Variants in TAFA4 observed in about 807,000 individuals in gnomAD.
TAFA4 encodes TAFA chemokine like family member 4.
A neutral mutation model predicts 21.1 loss-of-function variants in TAFA4; 20 were observed. The ratio of observed to expected loss-of-function variants is 0.95; its 90% CI spans 0.67 to 1.38. The LOEUF (loss-of-function observed/expected upper bound fraction) is 1.38. TAFA4 is among the 40% of genes most tolerant of loss of function. The pLI, the probability that TAFA4 is intolerant of heterozygous loss-of-function variation, is 0.00. For synonymous variants in TAFA4, 71 were observed against 67.4 expected (o/e 1.05, Z -0.26); for missense variants, 211 against 180.9 (o/e 1.17, Z -0.95).
intron 4 of TAFA4, among the ~76,000 whole-genome samples, chr3:68,741,533 G>A (rs1702352232): frequency 6.6e-6 from 1 of 152,106 alleles, no homozygotes; most frequent in Non-Finnish European, 1.5e-5. Flanking sequence ...CGTGACTCAT[G>A]CCTGTAATCC....
intron 1 of TAFA4, among the ~76,000 whole-genome samples, chr3:68,902,202 C>T (rs997606554): frequency 2.0e-5 from 3 of 152,136 alleles, no homozygotes; most frequent in African/African-American, 7.2e-5. Context: ...AGGTCAGCTA[C>T]CAAGTGGCAA....
chr3:68,885,702 G>A lies in TAFA4; in HGVS notation c.-122-392C>T, dbSNP rs143031967. The stretch of plus-strand genomic sequence containing the variant: ...GACATGCAATTTGCCCAAGCCCATG[G>A]AGCAGTGGAAAAGCCAGCACGAAGA... On this transcript the variant is annotated intron_variant, in intron 1 of 5. Transcript: ENST00000295569. 6.7e-3 allele frequency among the ~76,000 whole-genome samples: 1,026 copies of A among 152,252 alleles called. 4 individuals carry two copies. The highest frequency in any genetic ancestry group is 0.011 in the Admixed American group (164 of 15,294).
chr3:68,756,786 G>T (rs1452505023), intron 3 of TAFA4, among the ~76,000 whole-genome samples: 1 of 152,164 alleles, frequency 6.6e-6, no homozygotes, highest in Non-Finnish European at 1.5e-5. Flanking sequence ...CTAATTAAAT[G>T]TTCATAACAA....
At chr3:68,832,545 T>G (rs1704424515) in intron 3 of TAFA4, among the ~76,000 whole-genome samples, 1 of 152,188 alleles carries the variant, frequency 6.6e-6, no homozygotes, top group Non-Finnish European at 1.5e-5. Flanking sequence ...TACCTGATCC[T>G]TCCTCTGGAA....
intron 3 of TAFA4, among the ~76,000 whole-genome samples, chr3:68,868,942 T>C (rs573072844): frequency 1.3e-5 from 2 of 151,772 alleles, no homozygotes; most frequent in Non-Finnish European, 2.9e-5. Flanking sequence ...AAAGTTGTTT[T>C]TTTGCAGAGA....
chr3:68,770,749 T>G (rs879914866), intron 3 of TAFA4, among the ~76,000 whole-genome samples: 1 of 152,194 alleles, frequency 6.6e-6, no homozygotes, highest in African/African-American at 2.4e-5. Flanking sequence ...AACCCATCTC[T>G]TACTGATACA....
In TAFA4 at chr3:68,922,024, G is replaced by T. The variant is rs138084467; in HGVS notation, c.-123+10216C>A. 7.9e-5 allele frequency among the ~76,000 whole-genome samples: 12 copies of T among 152,194 alleles called. No homozygotes were observed. The East Asian group carries it at 2.1e-3, about 27-fold the overall frequency. ...AACGAACATTTAATTTGTACTTTTG[G>T]TTCAGTAATTTAAATCAACCTTCTG... On this transcript the variant is annotated intron_variant, in intron 1 of 5. Coordinates refer to ENST00000295569, the MANE Select transcript of TAFA4 (RefSeq NM_182522.5).
intron 3 of TAFA4, among the ~76,000 whole-genome samples, chr3:68,801,062 A>G (rs1703568857): frequency 1.3e-5 from 2 of 152,170 alleles, no homozygotes; most frequent in South Asian, 4.1e-4. Flanking sequence ...ATTAACTTGC[A>G]TGACTCCCTC....
chr3:68,808,805 T>C (rs1703764337), intron 3 of TAFA4, among the ~76,000 whole-genome samples: 1 of 152,122 alleles, frequency 6.6e-6, no homozygotes, highest in Non-Finnish European at 1.5e-5. Flanking sequence ...ACAACAAGGG[T>C]TTACTTCTGA....
chr3:68,881,130 T>G (rs1242781907), intron 2 of TAFA4, among the ~76,000 whole-genome samples: 1 of 152,224 alleles, frequency 6.6e-6, no homozygotes, highest in Non-Finnish European at 1.5e-5. Flanking sequence ...TAATAGAGCA[T>G]GGGGATTTTA....
intron 3 of TAFA4, among the ~76,000 whole-genome samples, chr3:68,787,412 G>A (rs1340100820): frequency 2.0e-5 from 3 of 152,286 alleles, no homozygotes; most frequent in African/African-American, 7.2e-5. Context: ...GGGAAAGAGA[G>A]GGGAGATAAG....
chr3:68,779,902 GA>G, intron 3 of TAFA4, among the ~76,000 whole-genome samples: 1 of 152,294 alleles, frequency 6.6e-6, no homozygotes, highest in Admixed American at 6.5e-5. Context: ...CGTGCTGCTG[GA>G]AAAGCTGCAG....
intron 2 of TAFA4, 115 bp downstream of exon 2, chr3:68,885,060 A>G: frequency 1.1e-6 from 1 of 951,892 alleles, no homozygotes; most frequent in African/African-American, 1.7e-5. Context: ...AAATTCCCAA[A>G]AAGTGTAAAA....
At chr3:68,885,430 T>G in intron 1 of TAFA4, 120 bp from the exon 2 acceptor site, 2 of 532,836 alleles carry the variant, frequency 3.8e-6, no homozygotes, top group Non-Finnish European at 6.6e-6. Flanking sequence ...TTCAGGCAAG[T>G]GGCAGACAGC....
At chr3:68,883,785 T>C (rs1316844558) in intron 2 of TAFA4, among the ~76,000 whole-genome samples, 3 of 152,128 alleles carry the variant, frequency 2.0e-5, no homozygotes, top group Non-Finnish European at 4.4e-5. Context: ...GAAAATGATC[T>C]GGCCATGCAT....
chr3:68,824,866 G>A (rs987117510), intron 3 of TAFA4, among the ~76,000 whole-genome samples: 13 of 152,120 alleles, frequency 8.5e-5, no homozygotes, highest in African/African-American at 3.1e-4. Flanking sequence ...ACTATGAATC[G>A]GGCATTTTAC....
chr3:68,877,650 T>C (rs1382325479), intron 3 of TAFA4, among the ~76,000 whole-genome samples: 2 of 152,196 alleles, frequency 1.3e-5, no homozygotes, highest in African/African-American at 2.4e-5. Flanking sequence ...AAGGTTGAGC[T>C]GAAACCTCAG....
intron 3 of TAFA4, among the ~76,000 whole-genome samples, chr3:68,852,441 C>T (rs1303623387): frequency 6.6e-6 from 1 of 152,112 alleles, no homozygotes; most frequent in Non-Finnish European, 1.5e-5. Flanking sequence ...TATAAAAGTC[C>T]ACCAAATTCC....
chr3:68,748,153 C>T (rs144534827), intron 4 of TAFA4, among the ~76,000 whole-genome samples: 1 of 152,352 alleles, frequency 6.6e-6, no homozygotes, highest in African/African-American at 2.4e-5. Flanking sequence ...GTCTCCTTAT[C>T]ATGCTTCCAT....
Sources: allele counts gnomAD v4.1 joint callset (sites outside exome capture counted in the v4.1 genomes callset), GRCh38; gene constraint gnomAD v4.1.1; transcripts MANE v1.5; gene names NCBI Gene and HGNC (gene_info 2026-07-23, HGNC 2026-07-21).